DYRK1B: variants seen among roughly 807,000 people sequenced by gnomAD.
The protein encoded by DYRK1B is dual specificity tyrosine-phosphorylation-regulated kinase 1B.
In DYRK1B, 20 loss-of-function variants were observed where a neutral mutation model predicts 57.1. The ratio of observed to expected loss-of-function variants is 0.35; its 90% CI spans 0.25 to 0.51. The LOEUF is 0.51. Ranked by LOEUF, DYRK1B falls within the 20% of genes least tolerant of loss-of-function variation. The pLI, the probability that DYRK1B is intolerant of heterozygous loss-of-function variation, is 0.96. For missense variants in DYRK1B, 732 were observed against 886.3 expected (o/e 0.83, Z 2.21); for synonymous variants, 409 against 384.7 (o/e 1.06, Z -0.74).
intron 1 of DYRK1B, chr19:39,833,345 T>C (rs1968915265): frequency 3.0e-6 from 3 of 985,282 alleles, no homozygotes; most frequent in Admixed American, 6.1e-5. Flanking sequence ...GCGGCCAGCA[T>C]GGCGGCGGTG....
At chr19:39,831,581 G>T (rs1968811160) in intron 2 of DYRK1B, among the ~76,000 whole-genome samples, 1 of 152,190 alleles carries the variant, frequency 6.6e-6, no homozygotes, top group South Asian at 2.1e-4. Flanking sequence ...TCCAACTCAA[G>T]TATGGAGAAC....
At position 39,827,281 on chromosome 19, in the gene DYRK1B, G is replaced by A. The variant is rs763582147; in HGVS notation, c.1095+4C>T. 13 of 1,607,132 alleles carry A rather than the reference G, an allele frequency of 8.1e-6. No homozygotes were observed. Among genetic ancestry groups the A allele is most frequent in the Admixed American group, 5.0e-5 (3 of 59,694 alleles). On this transcript the variant is annotated splice_donor_region_variant and intron_variant, in intron 8 of 10. Coordinates refer to ENST00000323039, the MANE Select transcript of DYRK1B (RefSeq NM_004714.3). Reference sequence around the variant, plus strand: ...GGAGGAGTGGCATGGGGCAGGGGCCGCACCTTCCTGAGTTCTTTCGTCCTT... The same window carrying A: ...GGAGGAGTGGCATGGGGCAGGGGCCACACCTTCCTGAGTTCTTTCGTCCTT...
At chr19:39,829,083 TC>T (rs1968683912) in intron 5 of DYRK1B, among the ~76,000 whole-genome samples, 1 of 152,160 alleles carries the variant, frequency 6.6e-6, no homozygotes, top group Non-Finnish European at 1.5e-5. Flanking sequence ...CACGACCTCA[TC>T]AAATTATAGC....
intron 1 of DYRK1B, chr19:39,833,199 C>CTTCTCCGGGGGCCCT (rs1329297188): frequency 6.3e-5 from 62 of 985,732 alleles, no homozygotes; most frequent in Non-Finnish European, 7.3e-5. Flanking sequence ...GGAGCTTCCC[C>CTTCTCCGGGGGCCCT]CAAAAAACCA....
chr19:39,827,081 G>A, intron 8 of DYRK1B, 94 bp from the exon 9 acceptor site: 1 of 1,227,996 alleles, frequency 8.1e-7, no homozygotes, highest in Non-Finnish European at 1.1e-6. Flanking sequence ...AGGCACAAGA[G>A]AGAAAGTGGA....
At chr19:39,831,157 C>T (rs1454772452) in intron 2 of DYRK1B, among the ~76,000 whole-genome samples, 1 of 152,122 alleles carries the variant, frequency 6.6e-6, no homozygotes, top group African/African-American at 2.4e-5. Context: ...TCTGAAGTAC[C>T]TCTATCTCAA....
In DYRK1B at chr19:39,825,691, A is replaced by G. The variant is rs1309475660; in HGVS notation, c.*24T>C. ...AGATGGGGGAGGGTATGGCTTCAGG[A>G]GGGGCCCCAGGGAGGGGGCAGGGTC... On this transcript the variant is annotated 3_prime_UTR_variant, in exon 11 of 11. Coordinates refer to ENST00000323039, the MANE Select transcript of DYRK1B (RefSeq NM_004714.3). The G allele has an allele frequency of 6.5e-7, 1 of 1,538,916 alleles. No homozygotes were observed. The highest frequency in any genetic ancestry group is 2.5e-5 in the East Asian group (1 of 40,588).
chr19:39,825,802 T>C lies in DYRK1B; in HGVS notation c.1803A>G (p.Pro601=). 2 of 1,569,278 alleles carry C rather than the reference T, an allele frequency of 1.3e-6. No individual in the cohort carries two copies. Among genetic ancestry groups the C allele is most frequent in the Non-Finnish European group, 1.7e-6 (2 of 1,158,876 alleles). The part of the protein sequence containing the change: ...ALRTRMTGGR[P]PLPPPDDPAT... ...CAGGGTCATCAGGAGGCGGGAGGGG[T>C]GGACGACCTCCAGTCATCCGAGTCC... Residue 601 remains proline (P), a synonymous_variant, in exon 11 of 11, where the codon CCA becomes CCG. Transcript: ENST00000323039.
chr19:39,831,007 C>A (rs936481975), intron 2 of DYRK1B, among the ~76,000 whole-genome samples: 28 of 152,238 alleles, frequency 1.8e-4, no homozygotes, highest in African/African-American at 6.8e-4. Context: ...TCTTAGAGAT[C>A]TGTGGTGTGA....
chr19:39,827,398 C>G lies in DYRK1B; in HGVS notation c.982G>C (p.Val328Leu). The change falls in exon 8 of 11, where the codon GTG (valine) becomes CTG (leucine). Residue 328 changes from valine to leucine, a missense_variant. Val to Leu is a conservative substitution (Grantham distance 32). This residue lies in a region of DYRK1B where 510 missense variants were observed against 681.3 expected (regional missense o/e 0.75). Transcript: ENST00000323039. ...ATGGCGGCCGGTGGGATGCCCAGCACCTCCACAATGCGGTTCATCTGGTCG... is the reference window on the plus strand; with the variant it reads ...ATGGCGGCCGGTGGGATGCCCAGCAGCTCCACAATGCGGTTCATCTGGTCG... ...EVDQMNRIVE[V>L]LGIPPAAMLD... 6.2e-7 allele frequency: 1 copy of G among 1,613,658 alleles called. No homozygotes were observed.
In DYRK1B at chr19:39,826,717, C is replaced by T. The variant is rs749904885; in HGVS notation, c.1366G>A (p.Asp456Asn). The change falls in exon 9 of 11, where the codon GAC (aspartate) becomes AAC (asparagine). Residue 456 changes from aspartate (D) to asparagine (N), a missense_variant. Transcript: ENST00000323039. The surrounding 1 kb of genome is among the most constrained non-coding windows in gnomAD (Gnocchi z 6.3). ...GCGGTGCTGGAAGAGGGGCAGGTGTCGAGGGGCGCGGGCGAGGTGGAGGCA... is the reference window on the plus strand; with the variant it reads ...GCGGTGCTGGAAGAGGGGCAGGTGTTGAGGGGCGCGGGCGAGGTGGAGGCA... ...SSASTSPAPLDTCPSSSTASS... is the reference protein window; with the variant it reads ...SSASTSPAPLNTCPSSSTASS... The T allele has an allele frequency of 3.1e-6, 5 of 1,604,710 alleles. No homozygotes were observed. The highest frequency in any genetic ancestry group is 1.1e-5 in the South Asian group (1 of 89,472).
intron 1 of DYRK1B, 132 bp from the exon 2 acceptor site, chr19:39,832,100 T>A (rs141004245): frequency 2.0e-6 from 2 of 1,023,604 alleles, no homozygotes; most frequent in African/African-American, 3.4e-5. Flanking sequence ...GAGCAGCAGA[T>A]AGCAATGAAG....
Position 39,829,911 on chromosome 19 carries a change from G to A in DYRK1B, c.489C>T (p.Asn163=), listed in dbSNP as rs773812626. 2.5e-6 allele frequency: 4 copies of A among 1,613,976 alleles called. No homozygotes were observed. The highest frequency in any genetic ancestry group is 4.5e-5 in the East Asian group (2 of 44,886). Residue 163 remains asparagine (N), a synonymous_variant, in exon 5 of 11, where the codon AAC becomes AAT. Coordinates refer to ENST00000323039, the MANE Select transcript of DYRK1B (RefSeq NM_004714.3). Reference sequence around the variant, plus strand: ...AGTACTTCATCTCCGTGTCATGCTGGTTCATCAGCTCCAGCAGCCGCAGCT... The same window carrying A: ...AGTACTTCATCTCCGTGTCATGCTGATTCATCAGCTCCAGCAGCCGCAGCT... ...QIELRLLELM[N]QHDTEMKYYI...
In DYRK1B at chr19:39,826,572, C is replaced by G. The variant is rs1213246751; in HGVS notation, c.1411+100G>C. On this transcript the variant is annotated intron_variant, in intron 9 of 10. Transcript: ENST00000323039. This position sits in a 1 kb window ranked among gnomAD's most constrained non-coding sequence, Gnocchi z 6.3. Reference sequence around the variant, plus strand: ...TCATCTTACAGTTCAGGATCAGTTTCGGCGCTTTGTGTGAAGACCCAGTAA... The same window carrying G: ...TCATCTTACAGTTCAGGATCAGTTTGGGCGCTTTGTGTGAAGACCCAGTAA... 1.0e-5 allele frequency: 13 copies of G among 1,296,832 alleles called. No individual in the cohort carries two copies. The highest frequency in any genetic ancestry group is 1.3e-5 in the Non-Finnish European group (13 of 976,214). 80.3% of individuals were successfully genotyped at this position (1,296,832 alleles called of 1,614,324 possible).
rs868166543 is a variant in DYRK1B, at chr19:39,830,477, A to G, written c.270T>C (p.His90=). The part of the protein sequence containing the change: ...SNKKEKKVLN[H]GYDDDNHDYI... ...AGTCATGGTTGTCGTCATCATAACC[A>G]TGGTTCAGGACCTTCTTCTCCTTCT... Residue 90 remains histidine, a synonymous_variant, in exon 4 of 11, where the codon CAT becomes CAC. Transcript: ENST00000323039. The G allele has an allele frequency of 6.2e-7, 1 of 1,614,188 alleles. No homozygotes were observed. The highest frequency in any genetic ancestry group is 2.2e-5 in the East Asian group (1 of 44,888).
Position 39,828,236 on chromosome 19 carries a change from C to T in DYRK1B, c.807+61G>A, listed in dbSNP as rs924400394. 2.6e-6 allele frequency: 4 copies of T among 1,568,546 alleles called. No individual in the cohort carries two copies. Among genetic ancestry groups the T allele is most frequent in the Non-Finnish European group, 3.5e-6 (4 of 1,152,696 alleles). On this transcript the variant is annotated intron_variant, in intron 6 of 10. Coordinates refer to ENST00000323039, the MANE Select transcript of DYRK1B (RefSeq NM_004714.3). This position sits in a 1 kb window ranked among gnomAD's most constrained non-coding sequence, Gnocchi z 4.3. ...CCAGCCAAGCCCCGCCCCTAAGCCTCCCGTTGGCTCTGCCCCACCCAAACT... is the reference window on the plus strand; with the variant it reads ...CCAGCCAAGCCCCGCCCCTAAGCCTTCCGTTGGCTCTGCCCCACCCAAACT...
In DYRK1B at chr19:39,825,822, G is replaced by C. The variant is rs753578998; in HGVS notation, c.1783C>G (p.Arg595Gly). 1.2e-6 allele frequency: 2 copies of C among 1,608,316 alleles called. No homozygotes were observed. Among genetic ancestry groups the C allele is most frequent in the African/African-American group, 1.3e-5 (1 of 74,822 alleles). The part of the protein sequence containing the change: ...QHPAASALRT[R>G]MTGGRPPLPP... ...AGGGGTGGACGACCTCCAGTCATCC[G>C]AGTCCGGAGGGCTGAGGCAGCCGGG... Residue 595 changes from arginine (R) to glycine (G), a missense_variant, in exon 11 of 11, where the codon CGG (arginine) becomes GGG (glycine). Physicochemically the swap from Arg to Gly is moderately radical, Grantham distance 125. Coordinates refer to ENST00000323039, the MANE Select transcript of DYRK1B (RefSeq NM_004714.3).
intron 5 of DYRK1B, 43 bp downstream of exon 5, chr19:39,829,837 C>CGCG: frequency 6.2e-7 from 1 of 1,603,000 alleles, no homozygotes; most frequent in South Asian, 1.1e-5. Context: ...CTCCAGCTCC[C>CGCG]GCTATCCCAG....
At chr19:39,831,184 G>C (rs1477106478) in intron 2 of DYRK1B, among the ~76,000 whole-genome samples, 1 of 152,070 alleles carries the variant, frequency 6.6e-6, no homozygotes, top group Non-Finnish European at 1.5e-5. Context: ...CTCATCCCTT[G>C]GGCCTCAACC....
Sources: gnomAD v4.1 joint callset for allele counts (sites outside exome capture counted in the v4.1 genomes callset) on GRCh38, gnomAD v4.1.1 for gene constraint, gnomAD v4.1.1 regional missense constraint, Gnocchi (gnomAD v3.1) non-coding constraint, MANE v1.5 for transcripts, NCBI Gene and HGNC (gene_info 2026-07-23, HGNC 2026-07-21) for gene names.